Variants in DPY19L3 observed in about 807,000 individuals in gnomAD.
DPY19L3 encodes the protein dpy-19 like C-mannosyltransferase 3.
In DPY19L3, 51 loss-of-function variants were observed where a neutral mutation model predicts 92.3. That is an observed-to-expected ratio of 0.55 (90% CI 0.44 to 0.70). The LOEUF (loss-of-function observed/expected upper bound fraction) is 0.70. Among genes scored for constraint, DPY19L3 ranks in the 30% least tolerant of loss-of-function variants. DPY19L3 has a pLI of 0.00. For missense variants in DPY19L3, 706 were observed against 855.9 expected, an observed-to-expected ratio of 0.82 and a Z score of 2.18; for synonymous variants, 309 against 315.2, an observed-to-expected ratio of 0.98 and a Z score of 0.21.
chr19:32,447,838 A>G (rs1969565508), intron 8 of DPY19L3, among the ~76,000 whole-genome samples: 1 of 151,974 alleles, frequency 6.6e-6, no homozygotes, highest in Non-Finnish European at 1.5e-5. Context: ...ATAGATAGAT[A>G]GATAGATAGA....
At chr19:32,445,852 T>G (rs1176939229) in intron 8 of DPY19L3, among the ~76,000 whole-genome samples, 1 of 151,932 alleles carries the variant, frequency 6.6e-6, no homozygotes, top group East Asian at 1.9e-4. Context: ...AATACAAAAA[T>G]TAGCCAGGTG....
intron 2 of DPY19L3, among the ~76,000 whole-genome samples, chr19:32,409,613 G>A (rs1039430125): frequency 1.3e-5 from 2 of 152,204 alleles, no homozygotes; most frequent in Non-Finnish European, 2.9e-5. Context: ...TCTGCAGACT[G>A]TATGAGAAGC....
intron 9 of DPY19L3, 150 bp downstream of exon 9, chr19:32,453,426 A>G (rs905570099): frequency 1.3e-6 from 1 of 749,972 alleles, no homozygotes; most frequent in African/African-American, 1.8e-5. Context: ...TTTCTTGTGC[A>G]TGTGGTAGCA....
intron 8 of DPY19L3, among the ~76,000 whole-genome samples, chr19:32,446,955 C>T (rs2145534117): frequency 6.6e-6 from 1 of 152,216 alleles, no homozygotes; most frequent in South Asian, 2.1e-4. Flanking sequence ...AGACTATCTC[C>T]CGAGCCATAA....
chr19:32,478,373 G>A (rs890380231), intron 17 of DPY19L3, among the ~76,000 whole-genome samples: 6 of 152,226 alleles, frequency 3.9e-5, no homozygotes, highest in African/African-American at 1.4e-4. Context: ...TTAGGGAGGG[G>A]AAGGAAAAGG....
At chr19:32,448,525 A>G (rs1219474883) in intron 8 of DPY19L3, among the ~76,000 whole-genome samples, 3 of 152,236 alleles carry the variant, frequency 2.0e-5, no homozygotes, top group Non-Finnish European at 4.4e-5. Flanking sequence ...GATATTTTGT[A>G]TGTGATGCAT....
Position 32,482,280 on chromosome 19 carries a change from A to C in DPY19L3, c.*40A>C. On this transcript the variant is annotated 3_prime_UTR_variant, in exon 19 of 19. Transcript: ENST00000392250. ...CAGTGTCTATTTTTGATACGGAGAA[A>C]CTGCATCATGATGAAACTCAATAGA... 6.3e-7 allele frequency: 1 copy of C among 1,592,424 alleles called. No homozygotes were observed. Among genetic ancestry groups the C allele is most frequent in the Non-Finnish European group, 8.5e-7 (1 of 1,171,474 alleles).
At chr19:32,463,080 GA>G (rs773765659) in intron 12 of DPY19L3, among the ~76,000 whole-genome samples, 236 of 99,186 alleles carry the variant, frequency 2.4e-3, no homozygotes, top group Non-Finnish European at 3.9e-3. Flanking sequence ...CAAAAAATTT[GA>G]GTTTTTTTTT....
At chr19:32,473,155 G>A (rs1336299600) in intron 16 of DPY19L3, among the ~76,000 whole-genome samples, 4 of 152,146 alleles carry the variant, frequency 2.6e-5, no homozygotes, top group African/African-American at 9.7e-5. Flanking sequence ...AATGCCATCA[G>A]GTCTTCCTGG....
At chr19:32,452,473 A>G (rs1969733565) in intron 8 of DPY19L3, among the ~76,000 whole-genome samples, 1 of 152,252 alleles carries the variant, frequency 6.6e-6, no homozygotes, top group Admixed American at 6.5e-5. Flanking sequence ...ATAACACAGT[A>G]AAGTACTTAT....
intron 10 of DPY19L3, among the ~76,000 whole-genome samples, chr19:32,456,046 T>A (rs1050452653): frequency 5.9e-5 from 9 of 151,310 alleles, no homozygotes; most frequent in Non-Finnish European, 1.2e-4. Flanking sequence ...AAAAAAAGAC[T>A]CTTCACTCAG....
intron 8 of DPY19L3, 80 bp downstream of exon 8, chr19:32,439,990 A>T: frequency 6.5e-7 from 1 of 1,542,524 alleles, no homozygotes; most frequent in Non-Finnish European, 8.8e-7. Context: ...AAAATATGCA[A>T]GTACTTATGG....
intron 7 of DPY19L3, among the ~76,000 whole-genome samples, chr19:32,439,459 CT>C (rs1456479938): frequency 6.6e-6 from 1 of 152,140 alleles, no homozygotes; most frequent in Non-Finnish European, 1.5e-5. Context: ...ATAATCTACC[CT>C]TAAATAGTTG....
intron 18 of DPY19L3, chr19:32,480,780 C>T: frequency 1.7e-6 from 1 of 595,442 alleles, no homozygotes; most frequent in Admixed American, 3.2e-5. Flanking sequence ...CCTGGGTCCC[C>T]AGTGTCACAC....
intron 8 of DPY19L3, among the ~76,000 whole-genome samples, chr19:32,442,990 G>C (rs776181247): frequency 3.9e-5 from 6 of 152,172 alleles, no homozygotes; most frequent in Non-Finnish European, 8.8e-5. Context: ...TCACTCAGTG[G>C]TAATGAGACA....
chr19:32,423,780 C>T (rs752893956), intron 3 of DPY19L3, among the ~76,000 whole-genome samples: 2 of 151,762 alleles, frequency 1.3e-5, no homozygotes, highest in African/African-American at 2.4e-5. Flanking sequence ...TTTGGGAGGC[C>T]AAGGCGGCAG....
chr19:32,475,592 CT>C (rs1953249117), intron 16 of DPY19L3, among the ~76,000 whole-genome samples: 2 of 152,324 alleles, frequency 1.3e-5, no homozygotes, highest in South Asian at 4.1e-4. Flanking sequence ...TACTTGTTTC[CT>C]TTAGCAATTA....
chr19:32,408,419 C>G, intron 2 of DPY19L3, 63 bp downstream of exon 2: 2 of 1,233,678 alleles, frequency 1.6e-6, no homozygotes, highest in East Asian at 2.4e-5. Flanking sequence ...TAAAATGTCA[C>G]TCTCCAATAG....
In DPY19L3 at chr19:32,480,440, T is replaced by C. The variant is rs1195762442; in HGVS notation, c.1872T>C (p.His624=). Residue 624 remains histidine, a synonymous_variant, in exon 18 of 19, where the codon CAT becomes CAC. Transcript: ENST00000392250. ...CCAAGAGGGCACCAGAGGAAGTGCA[T>C]GCCCTCCTAAGGTCCTTCGGCACTG... The part of the protein sequence containing the change: ...IYAKRAPEEV[H]ALLRSFGTDY... 1 of 1,613,962 alleles carries C rather than the reference T, an allele frequency of 6.2e-7. No individual in the cohort carries two copies. Among genetic ancestry groups the C allele is most frequent in the Admixed American group, 1.7e-5 (1 of 59,956 alleles).
Sources: allele counts gnomAD v4.1 joint callset (sites outside exome capture counted in the v4.1 genomes callset), GRCh38; gene constraint gnomAD v4.1.1; transcripts MANE v1.5; gene names NCBI Gene and HGNC (gene_info 2026-07-23, HGNC 2026-07-21).